The following STXBP5L variants were observed in gnomAD, a reference collection of about 807,000 sequenced individuals.
STXBP5L encodes syntaxin binding protein 5L.
Under a neutral mutation model 144.5 loss-of-function variants are expected in STXBP5L, and 65 were observed. The ratio of observed to expected loss-of-function variants is 0.45; its 90% CI spans 0.37 to 0.55. STXBP5L has a LOEUF of 0.55. Among genes scored for constraint, STXBP5L ranks in the 20% least tolerant of loss-of-function variants. STXBP5L has a pLI of 0.00. For missense variants in STXBP5L, 1,298 were observed against 1,405.5 expected, an observed-to-expected ratio of 0.92 and a Z score of 1.22; for synonymous variants, 505 against 469.6, an observed-to-expected ratio of 1.08 and a Z score of -0.97.
intron 2 of STXBP5L, among the ~76,000 whole-genome samples, chr3:120,911,709 A>C (rs1045906833): frequency 2.6e-5 from 4 of 152,108 alleles, no homozygotes; most frequent in African/African-American, 9.6e-5. Flanking sequence ...TATAAGATAG[A>C]TAGCTATATA....
At chr3:121,035,798 A>ATTGTCATT (rs1946706958) in intron 3 of STXBP5L, among the ~76,000 whole-genome samples, 1 of 152,128 alleles carries the variant, frequency 6.6e-6, no homozygotes, top group Non-Finnish European at 1.5e-5. Flanking sequence ...TTTGGGAAGT[A>ATTGTCATT]TTGTCATTTT....
In STXBP5L at chr3:121,073,021, C is replaced by T. The variant is rs1010647141; in HGVS notation, c.470+27486C>T. On this transcript the variant is annotated intron_variant, in intron 5 of 26. Coordinates refer to ENST00000471454, the MANE Select transcript of STXBP5L (RefSeq NM_001308330.2). ...GGCCAAAGTTCCGACTGGCAGAGGG[C>T]GGGCTTCGGCTACTGAATTCAGTGT... is the stretch of plus-strand genomic sequence containing the variant. Among the ~76,000 whole-genome samples the T allele has an allele frequency of 4.3e-4, 66 of 152,304 alleles. 1 individual carries two copies. Among genetic ancestry groups the T allele is most frequent in the Admixed American group, 1.0e-3 (16 of 15,300 alleles).
At position 121,250,756 on chromosome 3, in the gene STXBP5L, T is replaced by G; in HGVS notation, c.1434T>G (p.Ala478=). The G allele has an allele frequency of 6.2e-7, 1 of 1,609,480 alleles. No homozygotes were observed. Among genetic ancestry groups the G allele is most frequent in the Non-Finnish European group, 8.5e-7 (1 of 1,177,724 alleles). The change falls in exon 15 of 27, where the codon GCT becomes GCG. Residue 478 remains alanine, a synonymous_variant. Transcript: ENST00000471454. ...ATGGATCAATAAAATTTTGGGATGC[T>G]TCTGCAAGTAAGTTTCAAGTTTCTG... The part of the protein sequence containing the change: ...HADGSIKFWD[A]SAITLQMLYK...
intron 22 of STXBP5L, among the ~76,000 whole-genome samples, chr3:121,399,047 G>T (rs1244563860): frequency 6.6e-6 from 1 of 152,056 alleles, no homozygotes; most frequent in Non-Finnish European, 1.5e-5. Context: ...TAATAATGAG[G>T]GGGTGCAGAA....
intron 3 of STXBP5L, among the ~76,000 whole-genome samples, chr3:120,973,651 T>G (rs1248640975): frequency 6.6e-6 from 1 of 152,108 alleles, no homozygotes; most frequent in Non-Finnish European, 1.5e-5. Context: ...CATTAACTTG[T>G]CATTTAGCAT....
intron 11 of STXBP5L, among the ~76,000 whole-genome samples, chr3:121,231,492 G>T (rs1356265946): frequency 6.6e-6 from 1 of 152,164 alleles, no homozygotes; most frequent in South Asian, 2.1e-4. Context: ...TTGCCTGAAG[G>T]CTTTAAGGAC....
At chr3:121,334,270 G>A (rs1460864576) in intron 20 of STXBP5L, among the ~76,000 whole-genome samples, 1 of 151,984 alleles carries the variant, frequency 6.6e-6, no homozygotes, top group Non-Finnish European at 1.5e-5. Context: ...CTACCAACCA[G>A]AAAAGTCCAG....
rs1184442337 is a variant in STXBP5L at position 121,181,365 on chromosome 3, C to T, written c.877+23738C>T. ...AGGAGAGGAGAGGAGTAGTACCTCA[C>T]ATCTCAATACTAACATTGAATGTAA... On this transcript the variant is annotated intron_variant, in intron 9 of 26. Coordinates refer to ENST00000471454, the MANE Select transcript of STXBP5L (RefSeq NM_001308330.2). 2.0e-5 allele frequency among the ~76,000 whole-genome samples: 3 copies of T among 152,046 alleles called. No individual in the cohort carries two copies. The East Asian group carries it at 5.9e-4, about 30-fold the overall frequency.
chr3:121,363,355 G>A lies in STXBP5L; in HGVS notation c.2177-15361G>A, dbSNP rs537482162. Reference sequence around the variant, plus strand: ...AGTTGTAGTCCTTATGCCCTACACTGTCTTTCAAATTTATTTGGAGACACA... The same window carrying A: ...AGTTGTAGTCCTTATGCCCTACACTATCTTTCAAATTTATTTGGAGACACA... On this transcript the variant is annotated intron_variant, in intron 20 of 26. Transcript: ENST00000471454. 5.9e-4 allele frequency among the ~76,000 whole-genome samples: 90 copies of A among 152,280 alleles called. 1 individual carries two copies. Among genetic ancestry groups the A allele is most frequent in the Non-Finnish European group, 8.1e-4 (55 of 68,020 alleles).
intron 7 of STXBP5L, among the ~76,000 whole-genome samples, chr3:121,127,410 G>A (rs1239718183): frequency 6.6e-6 from 1 of 151,942 alleles, no homozygotes; most frequent in East Asian, 1.9e-4. Context: ...CAGTTAGGCC[G>A]TGCTCCCTCT....
At chr3:121,278,615 T>C (rs911364825) in intron 18 of STXBP5L, among the ~76,000 whole-genome samples, 1 of 151,946 alleles carries the variant, frequency 6.6e-6, no homozygotes, top group African/African-American at 2.4e-5. Context: ...TTAAGATCAA[T>C]TCTTTTTGCA....
At chr3:121,402,862 C>T (rs756928853) in intron 22 of STXBP5L, among the ~76,000 whole-genome samples, 1 of 152,088 alleles carries the variant, frequency 6.6e-6, no homozygotes, top group Non-Finnish European at 1.5e-5. Flanking sequence ...TGAGGTCTCA[C>T]TCTGTCACCC....
At chr3:121,192,367 A>G (rs906011829) in intron 9 of STXBP5L, among the ~76,000 whole-genome samples, 6 of 152,236 alleles carry the variant, frequency 3.9e-5, no homozygotes, top group Admixed American at 6.5e-5. Context: ...GGATAGGAAG[A>G]ATCAATATCA....
At chr3:121,248,998 CTA>C (rs2049947443) in intron 14 of STXBP5L, among the ~76,000 whole-genome samples, 1 of 152,212 alleles carries the variant, frequency 6.6e-6, no homozygotes, top group South Asian at 2.1e-4. Context: ...TTCCATTGGT[CTA>C]TGTGTCTGTT....
chr3:121,159,623 T>C (rs2046242074), intron 9 of STXBP5L, among the ~76,000 whole-genome samples: 1 of 148,524 alleles, frequency 6.7e-6, no homozygotes, highest in Admixed American at 6.7e-5. Flanking sequence ...AGAATGTACA[T>C]TTTCTTTTTT....
intron 2 of STXBP5L, among the ~76,000 whole-genome samples, chr3:120,942,196 G>A (rs1292672889): frequency 6.6e-6 from 1 of 151,592 alleles, no homozygotes; most frequent in East Asian, 1.9e-4. Flanking sequence ...TCCAATCAAA[G>A]CAAAATATTA....
rs2049812819 is a variant in STXBP5L, at chr3:121,245,350, A to G, written c.1400+4843A>G. Among the ~76,000 whole-genome samples the G allele has an allele frequency of 1.3e-5, 2 of 151,250 alleles. 1 individual carries two copies. The highest frequency in any genetic ancestry group is 4.1e-4 in the South Asian group (2 of 4,826). ...AAAAGGAATAGAAGTATGTCACTAA[A>G]AAAAAAAAACAAAACCCAAAGGAAG... On this transcript the variant is annotated intron_variant, in intron 14 of 26. Transcript: ENST00000471454.
intron 20 of STXBP5L, chr3:121,357,977 T>TA (rs1198001891): frequency 2.6e-5 from 4 of 152,170 alleles, no homozygotes; most frequent in Admixed American, 2.0e-4. Flanking sequence ...TCTTTTATTT[T>TA]AAAAAAATAT....
Position 121,367,595 on chromosome 3 carries a change from G to GTTT in STXBP5L, c.2177-11096_2177-11094dup, listed in dbSNP as rs57288480. ...GGTTCTCTCTTTGTCTTCGACTCTT[G>GTTT]TTTTTTTTTTTTTTTTTTTTTTTTT... On this transcript the variant is annotated intron_variant, in intron 20 of 26. Coordinates refer to ENST00000471454, the MANE Select transcript of STXBP5L (RefSeq NM_001308330.2). Among the ~76,000 whole-genome samples, 118 of 51,360 alleles carry GTTT rather than the reference G, an allele frequency of 2.3e-3. 25 individuals are homozygous for GTTT. Among genetic ancestry groups the GTTT allele is most frequent in the African/African-American group, 2.8e-3 (36 of 12,802 alleles). The allele number at this position is 51,360 out of a possible 152,430, so 33.7% of individuals were successfully genotyped here.
Sources: gnomAD v4.1 joint callset for allele counts (sites outside exome capture counted in the v4.1 genomes callset) on GRCh38, gnomAD v4.1.1 for gene constraint, MANE v1.5 for transcripts, NCBI Gene and HGNC (gene_info 2026-07-23, HGNC 2026-07-21) for gene names.